The following ZFAT variants were observed in gnomAD, a reference collection of about 807,000 sequenced individuals.
The protein encoded by ZFAT is zinc finger protein ZFAT.
Under a neutral mutation model 117.7 loss-of-function variants are expected in ZFAT, and 64 were observed. That is an observed-to-expected ratio of 0.54 (90% CI 0.44 to 0.67). The LOEUF (loss-of-function observed/expected upper bound fraction) is 0.67, where lower values mean the gene tolerates loss of function less well. ZFAT is among the 30% of genes least tolerant of loss of function. The probability of loss-of-function intolerance (pLI) is 0.00; values close to 1 mark genes in which losing one functional copy is unlikely to be tolerated. For synonymous variants in ZFAT, 679 were observed against 615.0 expected (o/e 1.10, Z -1.54); for missense variants, 1,433 against 1,584.5 (o/e 0.90, Z 1.62).
chr8:134,591,017 T>A (rs1826463917), intron 7 of ZFAT, among the ~76,000 whole-genome samples: 2 of 152,074 alleles, frequency 1.3e-5, no homozygotes, highest in Admixed American at 6.5e-5. Context: ...AAGGAAGGGA[T>A]GGGGCTTAGA....
At chr8:134,680,671 A>G (rs957387915) in intron 1 of ZFAT, among the ~76,000 whole-genome samples, 2 of 152,146 alleles carry the variant, frequency 1.3e-5, no homozygotes, top group Admixed American at 1.3e-4. Context: ...TTCTTGGTTT[A>G]ATATTGTATG....
the ZFAT span, among the ~76,000 whole-genome samples, chr8:134,754,061 G>T: frequency 1.3e-5 from 2 of 152,224 alleles, no homozygotes; most frequent in South Asian, 4.1e-4. Flanking sequence ...GTGGAAAGAA[G>T]TATTTGTTTT....
intron 15 of ZFAT, among the ~76,000 whole-genome samples, chr8:134,501,179 G>GC (rs1355094201): frequency 6.6e-6 from 1 of 152,208 alleles, no homozygotes; most frequent in Non-Finnish European, 1.5e-5. Flanking sequence ...GAAATCCTGA[G>GC]CATATGCCTA....
intron 15 of ZFAT, among the ~76,000 whole-genome samples, chr8:134,497,711 C>G (rs2012633): frequency 0.019 from 440 of 23,632 alleles, 34 homozygotes; most frequent in Middle Eastern, 0.029. Context: ...GTTACACACA[C>G]AGCCTGATTT....
At chr8:134,538,092 A>C (rs547027256) in intron 11 of ZFAT, among the ~76,000 whole-genome samples, 19 of 152,336 alleles carry the variant, frequency 1.2e-4, no homozygotes, top group African/African-American at 4.6e-4. Flanking sequence ...CTAAGACTGA[A>C]TGTGGCCATG....
At chr8:134,828,329 C>T in the ZFAT span, among the ~76,000 whole-genome samples, 4 of 152,080 alleles carry the variant, frequency 2.6e-5, no homozygotes, top group African/African-American at 4.8e-5. Context: ...CCCAGTATCC[C>T]GAAGTTGGGC....
intron 1 of ZFAT, among the ~76,000 whole-genome samples, chr8:134,704,251 A>G (rs1407053191): frequency 1.3e-5 from 2 of 152,214 alleles, no homozygotes; most frequent in African/African-American, 4.8e-5. Flanking sequence ...GCACCAACTC[A>G]GAAACAAAAA....
chr8:134,511,447 T>C (rs930377143), intron 14 of ZFAT, among the ~76,000 whole-genome samples: 4 of 152,198 alleles, frequency 2.6e-5, no homozygotes, highest in African/African-American at 4.8e-5. Flanking sequence ...CTGAATTCCC[T>C]GCAGCTCAGC....
intron 1 of ZFAT, among the ~76,000 whole-genome samples, chr8:134,666,286 A>T (rs1402123469): frequency 6.6e-6 from 1 of 152,202 alleles, no homozygotes; most frequent in Non-Finnish European, 1.5e-5. Context: ...GGCAGTAACA[A>T]GGCAGTACCC....
chr8:134,766,682 A>G, the ZFAT span: 74 of 152,378 alleles, frequency 4.9e-4, no homozygotes, highest in African/African-American at 1.4e-3. Flanking sequence ...ACTTGCCACC[A>G]TACATTTATA....
chr8:134,670,416 T>C (rs1266226817), intron 1 of ZFAT, among the ~76,000 whole-genome samples: 1 of 152,246 alleles, frequency 6.6e-6, no homozygotes, highest in Non-Finnish European at 1.5e-5. Flanking sequence ...CAGACCACAG[T>C]GCAATCAAAC....
At chr8:134,682,525 C>A (rs1273234452) in intron 1 of ZFAT, among the ~76,000 whole-genome samples, 1 of 152,124 alleles carries the variant, frequency 6.6e-6, no homozygotes, top group Non-Finnish European at 1.5e-5. Context: ...TGTGGTGGCG[C>A]CTGCCTGTGG....
intron 1 of ZFAT, among the ~76,000 whole-genome samples, chr8:134,708,807 C>G (rs1813879786): frequency 6.6e-6 from 1 of 151,996 alleles, no homozygotes; most frequent in African/African-American, 2.4e-5. Context: ...ACAAAATTAG[C>G]GAGGCGTGGT....
At chr8:134,487,636 G>T (rs984142896) in intron 15 of ZFAT, among the ~76,000 whole-genome samples, 18 of 152,196 alleles carry the variant, frequency 1.2e-4, no homozygotes, top group African/African-American at 4.1e-4. Flanking sequence ...CTCAATTTTG[G>T]TTCCTGAACA....
intron 15 of ZFAT, among the ~76,000 whole-genome samples, chr8:134,485,259 G>A (rs563295598): frequency 2.0e-5 from 3 of 152,278 alleles, no homozygotes; most frequent in African/African-American, 7.2e-5. Context: ...GAGCCTGATG[G>A]TCCCAGCAGC....
chr8:134,770,665 C>A, the ZFAT span, among the ~76,000 whole-genome samples: 1 of 152,202 alleles, frequency 6.6e-6, no homozygotes, highest in African/African-American at 2.4e-5. Context: ...TAACCTTAAA[C>A]TCTGACCGCC....
At chr8:134,637,194 G>A (rs1192067706) in intron 3 of ZFAT, among the ~76,000 whole-genome samples, 3 of 152,216 alleles carry the variant, frequency 2.0e-5, no homozygotes, top group African/African-American at 2.4e-5. Context: ...GAGAGGCTGT[G>A]TTTTACCATC....
At chr8:134,792,402 A>G in the ZFAT span, 1 of 152,166 alleles carries the variant, frequency 6.6e-6, no homozygotes, top group Non-Finnish European at 1.5e-5. Flanking sequence ...GCCTTTAACT[A>G]TGCATTTTAA....
chr8:134,654,602 G>A (rs547818020), intron 2 of ZFAT, among the ~76,000 whole-genome samples: 9 of 152,338 alleles, frequency 5.9e-5, no homozygotes, highest in South Asian at 4.1e-4. Flanking sequence ...TCTTATACTC[G>A]TCAGAAGGAT....
Sources: allele counts gnomAD v4.1 joint callset (sites outside exome capture counted in the v4.1 genomes callset), GRCh38; gene constraint gnomAD v4.1.1; transcripts MANE v1.5; gene names NCBI Gene and HGNC (gene_info 2026-07-23, HGNC 2026-07-21).